Variants in ITSN1 observed in about 807,000 individuals in gnomAD.
ITSN1 encodes intersectin-1.
Under a neutral mutation model 239.8 loss-of-function variants are expected in ITSN1, and 58 were observed. The ratio of observed to expected loss-of-function variants is 0.24; its 90% CI spans 0.20 to 0.30. ITSN1 has a LOEUF of 0.30. ITSN1 is among the 10% of genes least tolerant of loss of function. The probability of loss-of-function intolerance (pLI) is 1.00; values close to 1 mark genes in which losing one functional copy is unlikely to be tolerated. For missense variants in ITSN1, 1,558 were observed against 2,103.3 expected (o/e 0.74, Z 5.07); for synonymous variants, 780 against 770.8 (o/e 1.01, Z -0.20).
intron 39 of ITSN1, among the ~76,000 whole-genome samples, chr21:33,887,427 C>T (rs879556147): frequency 3.3e-5 from 5 of 151,948 alleles, no homozygotes; most frequent in Non-Finnish European, 5.9e-5. Flanking sequence ...GTTTAAATGG[C>T]TCCATATGGC....
chr21:33,678,165 A>G (rs895556948), intron 1 of ITSN1, among the ~76,000 whole-genome samples: 1 of 152,072 alleles, frequency 6.6e-6, no homozygotes, highest in African/African-American at 2.4e-5. Context: ...TATCTCTTGA[A>G]CAGGTTCTTT....
chr21:33,865,459 C>A lies in ITSN1; in HGVS notation c.4074+125C>A. On this transcript the variant is annotated intron_variant, in intron 32 of 39. Coordinates refer to ENST00000381318, the MANE Select transcript of ITSN1 (RefSeq NM_003024.3). This position sits in a 1 kb window ranked among gnomAD's most constrained non-coding sequence, Gnocchi z 4.4. ...ACTAGAGGCCAACAGGGCCTAGGGT[C>A]TTGGCTAAGCCTTAGGGGACTGGCA... 1.3e-6 allele frequency: 1 copy of A among 767,146 alleles called. No individual in the cohort carries two copies. The highest frequency in any genetic ancestry group is 2.2e-5 in the South Asian group (1 of 45,978). The allele number at this position is 767,146 out of a possible 1,614,324, so 47.5% of individuals were successfully genotyped here. A position where few individuals can be genotyped will look rare whatever the true frequency, so the allele number is the denominator to read the frequency against.
At chr21:33,856,295 G>A (rs1979318292) in intron 29 of ITSN1, among the ~76,000 whole-genome samples, 1 of 152,156 alleles carries the variant, frequency 6.6e-6, no homozygotes, top group Admixed American at 6.5e-5. Context: ...ACCACAAACG[G>A]GGGGACTTAA....
chr21:33,784,315 AC>A (rs1723924672), intron 16 of ITSN1, among the ~76,000 whole-genome samples: 1 of 71,312 alleles, frequency 1.4e-5, no homozygotes, highest in Admixed American at 1.5e-4. Flanking sequence ...TACAAAACAC[AC>A]ACACACACAC....
chr21:33,853,245 G>A (rs1978668885), intron 29 of ITSN1, among the ~76,000 whole-genome samples: 2 of 152,240 alleles, frequency 1.3e-5, no homozygotes, highest in Admixed American at 6.5e-5. Context: ...GTGGACCTGC[G>A]AGAGGTGGAA....
At chr21:33,680,223 G>A (rs1171547117) in intron 1 of ITSN1, among the ~76,000 whole-genome samples, 2 of 152,060 alleles carry the variant, frequency 1.3e-5, no homozygotes, top group East Asian at 3.9e-4. Context: ...GTTGTCTTGT[G>A]TCCTGTGGAA....
intron 1 of ITSN1, among the ~76,000 whole-genome samples, chr21:33,662,148 T>C (rs536508121): frequency 4.0e-4 from 61 of 152,340 alleles, no homozygotes; most frequent in African/African-American, 1.4e-3. Context: ...AATGTTCTTT[T>C]GTCACTTTAG....
Position 33,797,725 on chromosome 21 carries a change from A to T in ITSN1, c.2182+117A>T, listed in dbSNP as rs547345446. The T allele has an allele frequency of 1.4e-6, 1 of 739,406 alleles. No homozygotes were observed. The highest frequency in any genetic ancestry group is 2.2e-6 in the Non-Finnish European group (1 of 445,198). 45.8% of individuals were successfully genotyped at this position (739,406 alleles called of 1,614,324 possible). On this transcript the variant is annotated intron_variant, in intron 18 of 39. Coordinates refer to ENST00000381318, the MANE Select transcript of ITSN1 (RefSeq NM_003024.3). This position sits in a 1 kb window ranked among gnomAD's most constrained non-coding sequence, Gnocchi z 4.9. ...GGCTACATTAACAGATGAGAACGTC[A>T]GTCTCTTATTTTGAGCATGGCCAGC...
Position 33,814,030 on chromosome 21 carries a change from A to C in ITSN1, c.2685A>C (p.Pro895=). 2 of 1,614,156 alleles carry C rather than the reference A, an allele frequency of 1.2e-6. No homozygotes were observed. Among genetic ancestry groups the C allele is most frequent in the Non-Finnish European group, 1.7e-6 (2 of 1,180,024 alleles). Residue 895 remains proline, a synonymous_variant, in exon 22 of 40, where the codon CCA becomes CCC. Coordinates refer to ENST00000381318, the MANE Select transcript of ITSN1 (RefSeq NM_003024.3). ...GQLRQRSAFT[P]ATATGSSPSP... The stretch of plus-strand genomic sequence containing the variant: ...TAAGGCAGAGGTCCGCCTTTACTCC[A>C]GCCACGGCCACTGGCTCCTCCCCGT...
At chr21:33,675,350 T>G (rs149784815) in intron 1 of ITSN1, among the ~76,000 whole-genome samples, 2 of 151,800 alleles carry the variant, frequency 1.3e-5, no homozygotes, top group East Asian at 1.9e-4. Context: ...GATCATGAGG[T>G]CAGGAGACCG....
rs2070521952 is a variant in ITSN1 at position 33,784,842 on chromosome 21, G to A, written c.1824+2709G>A. 2.6e-5 allele frequency among the ~76,000 whole-genome samples: 4 copies of A among 152,228 alleles called. No homozygotes were observed. The South Asian group carries it at 8.3e-4, about 31-fold the overall frequency. Reference sequence around the variant, plus strand: ...GCAACCATGTTTTCTTGGATGAAGAGATAGGCCAGGAGGAGCCAGTCTCCT... The same window carrying A: ...GCAACCATGTTTTCTTGGATGAAGAAATAGGCCAGGAGGAGCCAGTCTCCT... On this transcript the variant is annotated intron_variant, in intron 16 of 39. Coordinates refer to ENST00000381318, the MANE Select transcript of ITSN1 (RefSeq NM_003024.3).
At position 33,865,157 on chromosome 21, in the gene ITSN1, G is replaced by A; in HGVS notation, c.3897G>A (p.Leu1299=). The A allele has an allele frequency of 6.2e-7, 1 of 1,613,474 alleles. No individual in the cohort carries two copies. Among genetic ancestry groups the A allele is most frequent in the Non-Finnish European group, 8.5e-7 (1 of 1,179,692 alleles). Residue 1299 remains leucine, a synonymous_variant, in exon 32 of 40, where the codon CTG becomes CTA. Transcript: ENST00000381318. This position sits in a 1 kb window ranked among gnomAD's most constrained non-coding sequence, Gnocchi z 4.4. Reference sequence around the variant, plus strand: ...CTCCCGTGTTTCCGTGCAGAGCGCTGAGAGTCCGCAAGAAGATGTCCGGGG... The same window carrying A: ...CTCCCGTGTTTCCGTGCAGAGCGCTAAGAGTCCGCAAGAAGATGTCCGGGG... ...IMCNIKLLKA[L]RVRKKMSGEK...
chr21:33,821,794 T>C (rs2073692507), intron 24 of ITSN1, among the ~76,000 whole-genome samples: 1 of 152,238 alleles, frequency 6.6e-6, no homozygotes, highest in Non-Finnish European at 1.5e-5. Flanking sequence ...AAAGTAACTT[T>C]GAAGTTGAGG....
intron 7 of ITSN1, chr21:33,754,306 C>G (rs2067770236): frequency 6.6e-6 from 1 of 152,022 alleles, no homozygotes; most frequent in African/African-American, 2.4e-5. Flanking sequence ...GGAGGTATTT[C>G]CTATACTTGA....
intron 29 of ITSN1, among the ~76,000 whole-genome samples, chr21:33,854,654 G>A (rs1978970526): frequency 6.6e-6 from 1 of 152,240 alleles, no homozygotes; most frequent in Non-Finnish European, 1.5e-5. Context: ...CCCGTGGCCT[G>A]CCTCCTTCCT....
intron 1 of ITSN1, among the ~76,000 whole-genome samples, chr21:33,670,337 A>G (rs1351340850): frequency 6.6e-6 from 1 of 152,224 alleles, no homozygotes; most frequent in African/African-American, 2.4e-5. Flanking sequence ...CCTGGATTAC[A>G]GAGCAAGACA....
At chr21:33,667,127 C>G (rs1228424449) in intron 1 of ITSN1, among the ~76,000 whole-genome samples, 1 of 151,552 alleles carries the variant, frequency 6.6e-6, no homozygotes, top group Non-Finnish European at 1.5e-5. Context: ...CACACCCAGC[C>G]TATTTGCTTT....
At chr21:33,807,341 GTC>G (rs1472844511) in intron 20 of ITSN1, among the ~76,000 whole-genome samples, 2 of 152,088 alleles carry the variant, frequency 1.3e-5, no homozygotes, top group African/African-American at 4.8e-5. Flanking sequence ...AGGGCTTCAG[GTC>G]GCATTCCAGA....
At chr21:33,857,672 G>A (rs559236992) in intron 30 of ITSN1, among the ~76,000 whole-genome samples, 1 of 152,260 alleles carries the variant, frequency 6.6e-6, no homozygotes, top group Non-Finnish European at 1.5e-5. Context: ...GTTAGCTGCA[G>A]GACCACCATT....
Sources: allele counts gnomAD v4.1 joint callset (sites outside exome capture counted in the v4.1 genomes callset), GRCh38; gene constraint gnomAD v4.1.1; non-coding constraint Gnocchi (gnomAD v3.1); transcripts MANE v1.5; gene names NCBI Gene and HGNC (gene_info 2026-07-23, HGNC 2026-07-21).